DENND5B: variants seen among roughly 807,000 people sequenced by gnomAD.
DENND5B encodes DENN domain-containing protein 5B.
In DENND5B, 34 loss-of-function variants were observed where a neutral mutation model predicts 140.6. The ratio of observed to expected loss-of-function variants is 0.24; its 90% CI spans 0.18 to 0.32. The LOEUF is 0.32. Among genes scored for constraint, DENND5B ranks in the 10% least tolerant of loss-of-function variants. DENND5B has a pLI of 1.00. For synonymous variants in DENND5B, 551 were observed against 562.1 expected, an observed-to-expected ratio of 0.98 and a Z score of 0.28; for missense variants, 1,142 against 1,560.2, an observed-to-expected ratio of 0.73 and a Z score of 4.52.
chr12:31,571,536 T>G (rs1949822541), intron 1 of DENND5B, among the ~76,000 whole-genome samples: 1 of 152,164 alleles, frequency 6.6e-6, no homozygotes, highest in South Asian at 2.1e-4. Flanking sequence ...TTTCTATCTC[T>G]CAAAAGTAAA....
intron 11 of DENND5B, among the ~76,000 whole-genome samples, chr12:31,421,046 A>AT (rs780411262): frequency 1.1e-4 from 17 of 151,584 alleles, no homozygotes; most frequent in South Asian, 2.1e-4. Flanking sequence ...ACCCATCAAA[A>AT]TTTTTTTTTG....
At chr12:31,530,267 G>A (rs958599047) in intron 1 of DENND5B, among the ~76,000 whole-genome samples, 2 of 152,184 alleles carry the variant, frequency 1.3e-5, no homozygotes, top group Non-Finnish European at 2.9e-5. Flanking sequence ...CAGCTACTTG[G>A]GAGGCTGACG....
At chr12:31,521,223 A>G (rs1156346238) in intron 1 of DENND5B, among the ~76,000 whole-genome samples, 3 of 152,114 alleles carry the variant, frequency 2.0e-5, no homozygotes, top group Non-Finnish European at 4.4e-5. Context: ...TCAATGTTAT[A>G]TATAGTAAGT....
intron 5 of DENND5B, among the ~76,000 whole-genome samples, chr12:31,450,902 A>T (rs191052560): frequency 1.3e-5 from 2 of 152,300 alleles, no homozygotes; most frequent in Admixed American, 1.3e-4. Context: ...TGAAAAATAA[A>T]ATCTGGGAGA....
At position 31,582,860 on chromosome 12, in the gene DENND5B, A is replaced by T. The variant is rs139047774; in HGVS notation, c.127+7846T>A. On this transcript the variant is annotated intron_variant, in intron 1 of 20. Transcript: ENST00000389082. ...ATACAGCATATGTTACTAGGGAGAC[A>T]GCAAATATAGTGGTTATGGGTATGG... is the stretch of plus-strand genomic sequence containing the variant. Among the ~76,000 whole-genome samples the T allele has an allele frequency of 3.1e-3, 472 of 152,386 alleles. 4 individuals carry two copies. Among genetic ancestry groups the T allele is most frequent in the African/African-American group, 0.011 (440 of 41,592 alleles).
intron 14 of DENND5B, 51 bp from the exon 15 acceptor site, chr12:31,402,694 T>C: frequency 6.4e-7 from 1 of 1,554,544 alleles, no homozygotes; most frequent in Admixed American, 1.9e-5. Context: ...AAATTCTCCT[T>C]ATAACAAAAC....
chr12:31,590,982 A>G lies in DENND5B; in HGVS notation c.-150T>C. 1 of 890,484 alleles carries G rather than the reference A, an allele frequency of 1.1e-6. No homozygotes were observed. Among genetic ancestry groups the G allele is most frequent in the Non-Finnish European group, 1.4e-6 (1 of 727,674 alleles). 55.2% of individuals were successfully genotyped at this position (890,484 alleles called of 1,614,324 possible). A position where few individuals can be genotyped will look rare whatever the true frequency, so the allele number is the denominator to read the frequency against. ...CCGCGCAGCCGCCTCTCGCCGCCGCAGCCTGCCTCCTCGCTCGGCGCGGGG... is the reference window on the plus strand; with the variant it reads ...CCGCGCAGCCGCCTCTCGCCGCCGCGGCCTGCCTCCTCGCTCGGCGCGGGG... On this transcript the variant is annotated 5_prime_UTR_variant, in exon 1 of 21. Coordinates refer to ENST00000389082, the MANE Select transcript of DENND5B (RefSeq NM_144973.4).
At chr12:31,500,455 G>T in intron 1 of DENND5B, 2 of 442,392 alleles carry the variant, frequency 4.5e-6, no homozygotes, top group Admixed American at 2.5e-5. Context: ...CGAGGCAGGT[G>T]AATTGCTTGA....
chr12:31,396,458 T>C (rs889782422), intron 17 of DENND5B: 1 of 152,334 alleles, frequency 6.6e-6, no homozygotes, highest in Non-Finnish European at 1.5e-5. Context: ...GCATGGCCCC[T>C]GCACGAGGAT....
chr12:31,429,222 T>G (rs997906928), intron 8 of DENND5B, among the ~76,000 whole-genome samples: 3 of 152,098 alleles, frequency 2.0e-5, no homozygotes, highest in African/African-American at 7.2e-5. Context: ...TTGGTCAGGC[T>G]GGTCTCAAAC....
At chr12:31,509,284 T>C (rs996843613) in intron 1 of DENND5B, among the ~76,000 whole-genome samples, 1 of 152,234 alleles carries the variant, frequency 6.6e-6, no homozygotes, top group African/African-American at 2.4e-5. Flanking sequence ...CCACAATTCA[T>C]GTAGCCATCT....
intron 12 of DENND5B, 54 bp from the exon 13 acceptor site, chr12:31,413,618 G>A: frequency 6.4e-7 from 1 of 1,569,084 alleles, no homozygotes; most frequent in South Asian, 1.2e-5. Context: ...ACCCTGACTA[G>A]AAAAGAAGTA....
At chr12:31,388,861 T>C (rs2137246520) in intron 20 of DENND5B, among the ~76,000 whole-genome samples, 1 of 152,318 alleles carries the variant, frequency 6.6e-6, no homozygotes, top group Middle Eastern at 3.4e-3. Flanking sequence ...TTAGTAAATA[T>C]GTACAGTGTA....
chr12:31,474,933 T>TA (rs1324065800), intron 3 of DENND5B, among the ~76,000 whole-genome samples: 1 of 152,192 alleles, frequency 6.6e-6, no homozygotes, highest in African/African-American at 2.4e-5. Context: ...GTTAATCATT[T>TA]AAAAATAAAT....
At chr12:31,575,049 C>T (rs961746540) in intron 1 of DENND5B, among the ~76,000 whole-genome samples, 1 of 152,132 alleles carries the variant, frequency 6.6e-6, no homozygotes, top group Non-Finnish European at 1.5e-5. Flanking sequence ...TCATTTTCCT[C>T]GAGCTGAGCA....
intron 13 of DENND5B, among the ~76,000 whole-genome samples, chr12:31,410,989 A>C (rs1942423523): frequency 6.6e-6 from 1 of 152,106 alleles, no homozygotes; most frequent in Non-Finnish European, 1.5e-5. Context: ...GCAGGATTGT[A>C]AGTGATTATC....
At chr12:31,553,717 T>C (rs1949159947) in intron 1 of DENND5B, among the ~76,000 whole-genome samples, 1 of 152,230 alleles carries the variant, frequency 6.6e-6, no homozygotes, top group East Asian at 1.9e-4. Context: ...TGTAGGTCAC[T>C]AAGGACTTGC....
At chr12:31,399,427 C>T (rs573405245) in intron 16 of DENND5B, among the ~76,000 whole-genome samples, 1 of 151,564 alleles carries the variant, frequency 6.6e-6, no homozygotes, top group Non-Finnish European at 1.5e-5. Context: ...TACAAGCGTA[C>T]ACCACCATGC....
At chr12:31,467,004 G>A (rs944610363) in intron 3 of DENND5B, among the ~76,000 whole-genome samples, 2 of 152,058 alleles carry the variant, frequency 1.3e-5, no homozygotes, top group Non-Finnish European at 2.9e-5. Context: ...AGAGGTGATG[G>A]CTGACTTCTC....
Sources: gnomAD v4.1 joint callset for allele counts (sites outside exome capture counted in the v4.1 genomes callset) on GRCh38, gnomAD v4.1.1 for gene constraint, MANE v1.5 for transcripts, NCBI Gene and HGNC (gene_info 2026-07-23, HGNC 2026-07-21) for gene names.